Variants in ACSL6 observed in about 807,000 individuals in gnomAD.
ACSL6 encodes long-chain-fatty-acid--CoA ligase 6.
ACSL6 carries 47 observed loss-of-function variants against 98.2 expected under a neutral mutation model. The observed-to-expected ratio is 0.48, with a 90% CI of 0.38 to 0.61. The LOEUF (loss-of-function observed/expected upper bound fraction) is 0.61, where lower values mean the gene tolerates loss of function less well. Ranked by LOEUF, ACSL6 falls within the 20% of genes least tolerant of loss-of-function variation. The probability of loss-of-function intolerance (pLI) is 0.00; values close to 1 mark genes in which losing one functional copy is unlikely to be tolerated. For missense variants in ACSL6, 761 were observed against 913.4 expected (o/e 0.83, Z 2.15); for synonymous variants, 362 against 336.9 (o/e 1.07, Z -0.82).
chr5:132,004,273 C>T (rs1435047590), intron 1 of ACSL6, among the ~76,000 whole-genome samples: 5 of 151,480 alleles, frequency 3.3e-5, no homozygotes, highest in African/African-American at 1.2e-4. Flanking sequence ...TTCTCTGACA[C>T]CCCATGGTCA....
intron 1 of ACSL6, among the ~76,000 whole-genome samples, chr5:132,000,278 GGCT>G (rs1755014153): frequency 1.3e-5 from 2 of 152,244 alleles, no homozygotes; most frequent in Admixed American, 1.3e-4. Flanking sequence ...GGAAGATAGT[GGCT>G]GATCTCCACC....
chr5:131,981,079 C>A (rs1297148568), intron 9 of ACSL6, among the ~76,000 whole-genome samples: 1 of 152,096 alleles, frequency 6.6e-6, no homozygotes, highest in Non-Finnish European at 1.5e-5. Context: ...TCTCTTACCC[C>A]TTCCTTCCTA....
intron 14 of ACSL6, 113 bp from the exon 15 acceptor site, chr5:131,970,313 A>G (rs548351081): frequency 6.0e-5 from 52 of 864,160 alleles, no homozygotes; most frequent in Non-Finnish European, 1.9e-6. Context: ...CTTCATGATC[A>G]GGGCGATGGA....
intron 9 of ACSL6, chr5:131,985,130 T>A: frequency 2.1e-6 from 1 of 477,394 alleles, no homozygotes; most frequent in Non-Finnish European, 3.9e-6. Flanking sequence ...GGACCTTCCC[T>A]CAGCACATGA....
intron 8 of ACSL6, 120 bp downstream of exon 8, chr5:131,986,702 T>C (rs1217649299): frequency 7.8e-7 from 1 of 1,278,656 alleles, no homozygotes; most frequent in African/African-American, 1.5e-5. Flanking sequence ...ATTTCCTGGC[T>C]TGCACACAGG....
intron 11 of ACSL6, 108 bp downstream of exon 11, chr5:131,974,785 T>G: frequency 6.2e-7 from 1 of 1,611,954 alleles, no homozygotes; most frequent in Non-Finnish European, 8.5e-7. Flanking sequence ...ACATGTGTGC[T>G]AAAGGCAAAT....
At chr5:131,968,248 C>T (rs919577583) in intron 15 of ACSL6, 5 of 500,976 alleles carry the variant, frequency 1.0e-5, no homozygotes, top group East Asian at 6.6e-5. Context: ...GTTTTACATC[C>T]GATTCTTAAT....
At chr5:132,009,133 A>C (rs1755572913) in intron 1 of ACSL6, among the ~76,000 whole-genome samples, 1 of 152,232 alleles carries the variant, frequency 6.6e-6, no homozygotes, top group Non-Finnish European at 1.5e-5. Context: ...GGACAGACAC[A>C]GCCCAGAACA....
chr5:131,975,509 T>C, intron 10 of ACSL6: 1 of 985,404 alleles, frequency 1.0e-6, no homozygotes, highest in South Asian at 4.7e-5. Flanking sequence ...CAGAGACTCC[T>C]AAGTCTATGC....
At chr5:132,005,996 G>A (rs543447426) in intron 1 of ACSL6, among the ~76,000 whole-genome samples, 3 of 152,268 alleles carry the variant, frequency 2.0e-5, no homozygotes, top group African/African-American at 7.2e-5. Context: ...GCACTAAGAT[G>A]CTGATTGTTC....
chr5:131,960,383 T>A (rs568557696), intron 19 of ACSL6, 137 bp downstream of exon 19: 2 of 563,194 alleles, frequency 3.6e-6, no homozygotes, highest in East Asian at 3.2e-5. Flanking sequence ...TGGTTTAGAA[T>A]CCCCACTATA....
intron 20 of ACSL6, among the ~76,000 whole-genome samples, chr5:131,958,757 A>C (rs1752550838): frequency 6.6e-6 from 1 of 152,188 alleles, no homozygotes; most frequent in African/African-American, 2.4e-5. Flanking sequence ...AAGCGAATAT[A>C]CAAAATTTAA....
chr5:131,990,778 T>C (rs1754459202), intron 3 of ACSL6, 75 bp downstream of exon 3: 1 of 1,392,832 alleles, frequency 7.2e-7, no homozygotes, highest in Non-Finnish European at 1.0e-6. Context: ...GGTATCATGC[T>C]TGCATACCCA....
At chr5:131,989,191 T>C (rs1754367972) in intron 5 of ACSL6, among the ~76,000 whole-genome samples, 2 of 152,166 alleles carry the variant, frequency 1.3e-5, no homozygotes, top group South Asian at 4.2e-4. Context: ...GGGGCAGCTG[T>C]TTGTAGAGCT....
chr5:131,984,505 G>A (rs1192402578), intron 9 of ACSL6: 2 of 152,286 alleles, frequency 1.3e-5, no homozygotes, highest in East Asian at 3.9e-4. Flanking sequence ...CTCTGGCCTG[G>A]GAATTATGAC....
rs1754688220 is a variant in ACSL6 at position 131,994,419 on chromosome 5, C to T, written c.50-168G>A. On this transcript the variant is annotated intron_variant, in intron 1 of 20. Coordinates refer to ENST00000651883, the MANE Select transcript of ACSL6 (RefSeq NM_001009185.3). ...AGCTGGCTACCTAGAAGGGCTTTTC[C>T]CAGGAAGAGGCCAGAACCTTCTGCC... 1.9e-5 allele frequency: 12 copies of T among 618,412 alleles called. No individual in the cohort carries two copies. The Admixed American group carries it at 2.3e-4, about 12-fold the overall frequency. 38.3% of individuals were successfully genotyped at this position (618,412 alleles called of 1,614,324 possible). A position where few individuals can be genotyped will look rare whatever the true frequency, so the allele number is the denominator to read the frequency against.
chr5:132,008,148 C>T (rs1755512211), intron 1 of ACSL6, among the ~76,000 whole-genome samples: 1 of 152,188 alleles, frequency 6.6e-6, no homozygotes, highest in African/African-American at 2.4e-5. Flanking sequence ...AGGCATGTCC[C>T]CAGCTGGCCA....
In ACSL6 at chr5:131,989,335, A is replaced by G. The variant is rs564756984; in HGVS notation, c.552+72T>C. The G allele has an allele frequency of 6.8e-4, 955 of 1,407,296 alleles. 10 individuals carry two copies. The South Asian group carries it at 8.4e-3, about 12-fold the overall frequency. The allele number at this position is 1,407,296 out of a possible 1,614,324, so 87.2% of individuals were successfully genotyped here. On this transcript the variant is annotated intron_variant, in intron 5 of 20. Coordinates refer to ENST00000651883, the MANE Select transcript of ACSL6 (RefSeq NM_001009185.3). The stretch of plus-strand genomic sequence containing the variant: ...TGTCCTGGGCCCTACAAACAGTGAA[A>G]GCAGGACTATTCCATGGCAGCCAAC...
At chr5:132,001,344 C>T (rs1438121637) in intron 1 of ACSL6, among the ~76,000 whole-genome samples, 2 of 152,142 alleles carry the variant, frequency 1.3e-5, no homozygotes, top group African/African-American at 4.8e-5. Flanking sequence ...AACACAGCAG[C>T]GCACACTTGC....
Sources: allele counts gnomAD v4.1 joint callset (sites outside exome capture counted in the v4.1 genomes callset), GRCh38; gene constraint gnomAD v4.1.1; transcripts MANE v1.5; gene names NCBI Gene and HGNC (gene_info 2026-07-23, HGNC 2026-07-21).